DCDC2: variants seen among roughly 807,000 people sequenced by gnomAD.
The protein encoded by DCDC2 is doublecortin domain containing 2.
A neutral mutation model predicts 50.2 loss-of-function variants in DCDC2; 40 were observed. The observed-to-expected ratio is 0.80, with a 90% CI of 0.62 to 1.04. The LOEUF (loss-of-function observed/expected upper bound fraction) is 1.04. Among genes scored for constraint, DCDC2 ranks in the 50% least tolerant of loss-of-function variants. The probability of loss-of-function intolerance (pLI) is 0.00; values close to 1 mark genes in which losing one functional copy is unlikely to be tolerated. For missense variants in DCDC2, 570 were observed against 581.9 expected, an observed-to-expected ratio of 0.98 and a Z score of 0.21; for synonymous variants, 234 against 210.6, an observed-to-expected ratio of 1.11 and a Z score of -0.96.
chr6:24,229,700 C>CAA (rs1287865158), intron 7 of DCDC2, among the ~76,000 whole-genome samples: 2 of 152,152 alleles, frequency 1.3e-5, no homozygotes, highest in African/African-American at 4.8e-5. Context: ...TTTTAAAAAT[C>CAA]CTCAACACTT....
chr6:24,320,995 G>C (rs1282447396), intron 2 of DCDC2, among the ~76,000 whole-genome samples: 1 of 147,576 alleles, frequency 6.8e-6, no homozygotes, highest in Non-Finnish European at 1.5e-5. Flanking sequence ...ATACTGGAAA[G>C]ACACAAAAGC....
intron 6 of DCDC2, among the ~76,000 whole-genome samples, chr6:24,285,717 C>G (rs1166991380): frequency 6.6e-6 from 1 of 152,140 alleles, no homozygotes; most frequent in Non-Finnish European, 1.5e-5. Context: ...AGGAAATGCT[C>G]TACACATTTT....
rs373331765 is a variant in DCDC2, at chr6:24,302,758, T to G, written c.349-714A>C. Among the ~76,000 whole-genome samples, 8 of 152,118 alleles carry G rather than the reference T, an allele frequency of 5.3e-5. 1 individual carries two copies. Among genetic ancestry groups the G allele is most frequent in the African/African-American group, 1.9e-4 (8 of 41,500 alleles). ...CATCAAGCCATCACCTGGACCTCAG[T>G]ATAGCTTGCTCAGCCAGCCCTCCAC... On this transcript the variant is annotated intron_variant, in intron 2 of 9. Coordinates refer to ENST00000378454, the MANE Select transcript of DCDC2 (RefSeq NM_016356.5).
intron 7 of DCDC2, among the ~76,000 whole-genome samples, chr6:24,255,565 A>C (rs1762884066): frequency 6.6e-6 from 1 of 152,218 alleles, no homozygotes; most frequent in African/African-American, 2.4e-5. Flanking sequence ...AGGAATCACA[A>C]ATAAAGAACT....
At chr6:24,347,352 C>T (rs1308963359) in intron 2 of DCDC2, among the ~76,000 whole-genome samples, 1 of 152,102 alleles carries the variant, frequency 6.6e-6, no homozygotes, top group African/African-American at 2.4e-5. Context: ...TGGTTCCCAG[C>T]TAACAACCAC....
intron 7 of DCDC2, among the ~76,000 whole-genome samples, chr6:24,245,037 A>T (rs1332970329): frequency 2.0e-5 from 3 of 152,250 alleles, no homozygotes; most frequent in African/African-American, 7.2e-5. Flanking sequence ...TCTCCTAAAA[A>T]TACAAAAATT....
chr6:24,290,929 T>C lies in DCDC2; in HGVS notation c.704+3A>G, dbSNP rs1763728619. On this transcript the variant is annotated splice_donor_region_variant and intron_variant, in intron 5 of 9. Coordinates refer to ENST00000378454, the MANE Select transcript of DCDC2 (RefSeq NM_016356.5). ...ATGAGGAGTGGTAAGGAGTAAGACTTACCCAAAAGGCCTTCTCATCGTTGA... is the reference window on the plus strand; with the variant it reads ...ATGAGGAGTGGTAAGGAGTAAGACTCACCCAAAAGGCCTTCTCATCGTTGA... 1.2e-6 allele frequency: 2 copies of C among 1,613,096 alleles called. No homozygotes were observed. The highest frequency in any genetic ancestry group is 1.7e-6 in the Non-Finnish European group (2 of 1,179,746).
chr6:24,373,483 A>G, the DCDC2 span, among the ~76,000 whole-genome samples: 1 of 152,238 alleles, frequency 6.6e-6, no homozygotes, highest in Non-Finnish European at 1.5e-5. Flanking sequence ...GACACAGAAG[A>G]GTTCACATAC....
rs1201436251 is a variant in DCDC2 at position 24,290,946 on chromosome 6, C to T, written c.690G>A (p.Met230Ile). 1.9e-6 allele frequency: 3 copies of T among 1,613,636 alleles called. No individual in the cohort carries two copies. The highest frequency in any genetic ancestry group is 1.1e-5 in the South Asian group (1 of 90,992). Residue 230 changes from methionine to isoleucine, a missense_variant, in exon 5 of 10, where the codon ATG (methionine) becomes ATA (isoleucine). Met to Ile is a conservative substitution (Grantham distance 10). Coordinates refer to ENST00000378454, the MANE Select transcript of DCDC2 (RefSeq NM_016356.5). The stretch of plus-strand genomic sequence containing the variant: ...GTAAGACTTACCCAAAAGGCCTTCT[C>T]ATCGTTGACTTGTCAAAAAGTAACT... ...YSELLFDKST[M>I]RRPFGQKASS...
intron 4 of DCDC2, among the ~76,000 whole-genome samples, chr6:24,293,602 A>G (rs1763798785): frequency 6.6e-6 from 1 of 152,238 alleles, no homozygotes; most frequent in Admixed American, 6.5e-5. Context: ...TCAACACTCC[A>G]CTGACAGTAT....
upstream of DCDC2, among the ~76,000 whole-genome samples, chr6:24,359,495 T>A (rs1205580719): frequency 4.2e-4 from 39 of 91,840 alleles, no homozygotes; most frequent in Non-Finnish European, 6.8e-4. Flanking sequence ...TATAATATAT[T>A]ATATATATTT....
intron 2 of DCDC2, among the ~76,000 whole-genome samples, chr6:24,302,565 T>A (rs1299114609): frequency 6.6e-6 from 1 of 151,912 alleles, no homozygotes; most frequent in African/African-American, 2.4e-5. Flanking sequence ...TTCTCCCCTA[T>A]CCCCCATTGA....
chr6:24,236,281 A>G (rs1440704801), intron 7 of DCDC2, among the ~76,000 whole-genome samples: 1 of 152,168 alleles, frequency 6.6e-6, no homozygotes, highest in East Asian at 1.9e-4. Context: ...AAAGCTGCAC[A>G]CCTATAGCCA....
At chr6:24,205,545 TTCTC>T (rs1027694060) in intron 7 of DCDC2, among the ~76,000 whole-genome samples, 10 of 133,316 alleles carry the variant, frequency 7.5e-5, no homozygotes, top group African/African-American at 2.6e-4. Flanking sequence ...ATTGGAATAA[TTCTC>T]TCTATTCAGA....
the DCDC2 span, chr6:24,365,687 A>G: frequency 6.6e-6 from 1 of 152,272 alleles, no homozygotes; most frequent in African/African-American, 2.4e-5. Flanking sequence ...CTGGAATGAT[A>G]CAGATAAGAT....
chr6:24,356,579 A>G (rs1324521363), intron 1 of DCDC2, among the ~76,000 whole-genome samples: 2 of 152,176 alleles, frequency 1.3e-5, no homozygotes, highest in Admixed American at 1.3e-4. Context: ...TGGAATGTAA[A>G]ATTCTACCTG....
chr6:24,361,828 C>T (rs979388426), upstream of DCDC2, among the ~76,000 whole-genome samples: 1 of 152,190 alleles, frequency 6.6e-6, no homozygotes, highest in Non-Finnish European at 1.5e-5. Flanking sequence ...AAGTCTATGC[C>T]TCCCACTGCG....
At chr6:24,234,382 C>T (rs1434620826) in intron 7 of DCDC2, among the ~76,000 whole-genome samples, 1 of 152,122 alleles carries the variant, frequency 6.6e-6, no homozygotes, top group African/African-American at 2.4e-5. Context: ...GGCTTTGTCC[C>T]GTGGGCAACA....
chr6:24,294,256 G>A lies in DCDC2; in HGVS notation c.558-3178C>T, dbSNP rs1029840115. Among the ~76,000 whole-genome samples, 11 of 152,242 alleles carry A rather than the reference G, an allele frequency of 7.2e-5. No homozygotes were observed. The South Asian group carries it at 2.1e-3, about 29-fold the overall frequency. On this transcript the variant is annotated intron_variant, in intron 4 of 9. Transcript: ENST00000378454. ...CTCCTGTAGTTCCAGCTGCTTGGCT[G>A]AGGTGGGAGGATCGCTTGAGCCCAG...
Sources: gnomAD v4.1 joint callset for allele counts (sites outside exome capture counted in the v4.1 genomes callset) on GRCh38, gnomAD v4.1.1 for gene constraint, MANE v1.5 for transcripts, NCBI Gene and HGNC (gene_info 2026-07-23, HGNC 2026-07-21) for gene names.